Variants in SLC24A4 observed in about 807,000 individuals in gnomAD.
The protein encoded by SLC24A4 is solute carrier family 24 member 4.
In SLC24A4, 53 loss-of-function variants were observed where a neutral mutation model predicts 79.0. The observed-to-expected ratio is 0.67, with a 90% CI of 0.54 to 0.84. The LOEUF is 0.84. Among genes scored for constraint, SLC24A4 ranks in the 40% least tolerant of loss-of-function variants. The pLI, the probability that SLC24A4 is intolerant of heterozygous loss-of-function variation, is 0.00. For missense variants in SLC24A4, 731 were observed against 822.0 expected, an observed-to-expected ratio of 0.89 and a Z score of 1.35; for synonymous variants, 323 against 323.8, an observed-to-expected ratio of 1.00 and a Z score of 0.03.
intron 2 of SLC24A4, among the ~76,000 whole-genome samples, chr14:92,366,084 C>T (rs1887819775): frequency 6.6e-6 from 1 of 152,186 alleles, no homozygotes. Flanking sequence ...TTCCATTTTT[C>T]AGATGAGAAA....
rs77415038 is a variant in SLC24A4 at position 92,380,793 on chromosome 14, G to A, written c.242-53119G>A. On this transcript the variant is annotated intron_variant, in intron 2 of 16. Coordinates refer to ENST00000532405, the MANE Select transcript of SLC24A4 (RefSeq NM_153646.4). The stretch of plus-strand genomic sequence containing the variant: ...CCAGGCTGCGTGGGGAGGCTCAGGG[G>A]GCAGGGCAGAGGCTCTGGAGGTGCA... Among the ~76,000 whole-genome samples, 1,428 of 152,338 alleles carry A rather than the reference G, an allele frequency of 9.4e-3. 26 individuals are homozygous for A. Among genetic ancestry groups the A allele is most frequent in the African/African-American group, 0.032 (1,333 of 41,574 alleles).
chr14:92,497,286 G>T lies in SLC24A4; in HGVS notation c.*3658G>T. ...CAGACCCTGACCAAAGGCCGTTCCT[G>T]GGCGGCCCAAGGTCCAGGTTTCTTC... On this transcript the variant is annotated 3_prime_UTR_variant, in exon 17 of 17. Transcript: ENST00000532405. 1 of 152,374 alleles carries T rather than the reference G, an allele frequency of 6.6e-6. No individual in the cohort carries two copies. The allele number at this position is 152,374 out of a possible 1,614,324, so 9.4% of individuals were successfully genotyped here.
intron 10 of SLC24A4, chr14:92,451,750 C>G (rs1436943909): frequency 6.6e-6 from 1 of 152,262 alleles, no homozygotes; most frequent in Non-Finnish European, 1.5e-5. Flanking sequence ...CTCACCAAAG[C>G]AGCCTCCTGG....
chr14:92,494,323 CATCAT>C lies in SLC24A4; in HGVS notation c.*698_*702del, dbSNP rs976740745. 8.5e-4 allele frequency: 129 copies of C among 152,642 alleles called. 10 individuals carry two copies. 9.5% of individuals were successfully genotyped at this position (152,642 alleles called of 1,614,324 possible). On this transcript the variant is annotated 3_prime_UTR_variant, in exon 17 of 17. Coordinates refer to ENST00000532405, the MANE Select transcript of SLC24A4 (RefSeq NM_153646.4). The surrounding 1 kb of genome is among the most constrained non-coding windows in gnomAD (Gnocchi z 4.6). ...AGCAATGAAATATTAAAAAATGAAA[CATCAT>C]ATAGGTCATCATACTTGAAAATTAT...
rs559620251 is a variant in SLC24A4 at position 92,422,723 on chromosome 14, A to G, written c.242-11189A>G. On this transcript the variant is annotated intron_variant, in intron 2 of 16. Transcript: ENST00000532405. ...TCCCTTAATGATGCCTGTCCTTTTG[A>G]TAAACTCAGTGGTACTTGTGTTGCC... Among the ~76,000 whole-genome samples, 155 of 152,342 alleles carry G rather than the reference A, an allele frequency of 1.0e-3. 1 individual carries two copies. In the South Asian group the frequency reaches 0.03, roughly 29 times the overall value.
chr14:92,484,842 G>A (rs1307988685), intron 13 of SLC24A4: 5 of 985,460 alleles, frequency 5.1e-6, no homozygotes, highest in Non-Finnish European at 4.8e-6. Flanking sequence ...AATTAAGGGT[G>A]ATTACCTGGT....
At chr14:92,468,555 A>G (rs926083428) in intron 12 of SLC24A4, among the ~76,000 whole-genome samples, 1 of 152,256 alleles carries the variant, frequency 6.6e-6, no homozygotes, top group African/African-American at 2.4e-5. Flanking sequence ...GCATAAGGAT[A>G]GACATATAGA....
In SLC24A4 at chr14:92,499,672, C is replaced by G. The variant is rs1470648579; in HGVS notation, c.*6044C>G. 4 of 74,904 alleles carry G rather than the reference C, an allele frequency of 5.3e-5. No homozygotes were observed. The highest frequency in any genetic ancestry group is 9.7e-5 in the Non-Finnish European group (3 of 30,968). 4.6% of individuals were successfully genotyped at this position (74,904 alleles called of 1,614,324 possible). The stretch of plus-strand genomic sequence containing the variant: ...GACTACAGGCACATGCCACCACATA[C>G]AGCTAATTTGTTTTCATTTTTTTTT... On this transcript the variant is annotated 3_prime_UTR_variant, in exon 17 of 17. Coordinates refer to ENST00000532405, the MANE Select transcript of SLC24A4 (RefSeq NM_153646.4).
chr14:92,419,639 C>G (rs1421168307), intron 2 of SLC24A4, among the ~76,000 whole-genome samples: 1 of 152,148 alleles, frequency 6.6e-6, no homozygotes, highest in African/African-American at 2.4e-5. Context: ...GGTTACTATT[C>G]ATTAGACTGG....
At chr14:92,348,928 A>G (rs1467431984) in intron 2 of SLC24A4, among the ~76,000 whole-genome samples, 2 of 152,290 alleles carry the variant, frequency 1.3e-5, no homozygotes, top group East Asian at 1.9e-4. Flanking sequence ...GGAAACTCCA[A>G]TTTGCCTAAG....
At chr14:92,470,408 G>A (rs1894376504) in intron 12 of SLC24A4, among the ~76,000 whole-genome samples, 1 of 152,198 alleles carries the variant, frequency 6.6e-6, no homozygotes, top group East Asian at 1.9e-4. Context: ...TAATTGGAAT[G>A]TGGAATTCAT....
chr14:92,327,742 C>T (rs1277249508), intron 2 of SLC24A4, among the ~76,000 whole-genome samples: 1 of 152,194 alleles, frequency 6.6e-6, no homozygotes, highest in Non-Finnish European at 1.5e-5. Flanking sequence ...GGCTCTGTGT[C>T]TGTCTTCAGC....
intron 7 of SLC24A4, among the ~76,000 whole-genome samples, chr14:92,444,029 T>C (rs900313579): frequency 6.6e-6 from 1 of 151,680 alleles, no homozygotes; most frequent in Non-Finnish European, 1.5e-5. Flanking sequence ...ATTCTGTTTG[T>C]TGGAAGCAAG....
At chr14:92,361,928 G>A (rs950610264) in intron 2 of SLC24A4, among the ~76,000 whole-genome samples, 4 of 152,284 alleles carry the variant, frequency 2.6e-5, no homozygotes, top group Admixed American at 1.3e-4. Context: ...CAAAGGGGAG[G>A]CAAAGACAGC....
intron 2 of SLC24A4, among the ~76,000 whole-genome samples, chr14:92,340,765 C>T (rs181479421): frequency 1.4e-3 from 209 of 152,202 alleles, no homozygotes; most frequent in African/African-American, 4.6e-3. Flanking sequence ...CCTAATTCTG[C>T]GCTCCCTCCA....
At chr14:92,425,266 C>T (rs1891504534) in intron 2 of SLC24A4, among the ~76,000 whole-genome samples, 3 of 152,226 alleles carry the variant, frequency 2.0e-5, no homozygotes, top group South Asian at 4.1e-4. Flanking sequence ...TTGTTGATGA[C>T]ATCTAGGCCA....
chr14:92,412,044 G>A (rs944048070), intron 2 of SLC24A4, among the ~76,000 whole-genome samples: 5 of 152,136 alleles, frequency 3.3e-5, no homozygotes, highest in Admixed American at 6.5e-5. Flanking sequence ...GATCAGGATC[G>A]GCTCATCTCT....
chr14:92,445,454 A>G, intron 8 of SLC24A4, 112 bp downstream of exon 8: 4 of 1,177,104 alleles, frequency 3.4e-6, no homozygotes, highest in Non-Finnish European at 4.9e-6. Flanking sequence ...ACTTAAGCTT[A>G]TTAACTTGTG....
chr14:92,372,388 ATT>A (rs1888218526), intron 2 of SLC24A4, among the ~76,000 whole-genome samples: 1 of 152,090 alleles, frequency 6.6e-6, no homozygotes, highest in Non-Finnish European at 1.5e-5. Context: ...GCCCACAGAC[ATT>A]TGCAGCTGGT....
Sources: allele counts gnomAD v4.1 joint callset (sites outside exome capture counted in the v4.1 genomes callset), GRCh38; gene constraint gnomAD v4.1.1; non-coding constraint Gnocchi (gnomAD v3.1); transcripts MANE v1.5; gene names NCBI Gene and HGNC (gene_info 2026-07-23, HGNC 2026-07-21).